The following NAV3 variants were observed in gnomAD, a reference collection of about 807,000 sequenced individuals.
NAV3 encodes the protein pore membrane and/or filament interacting like protein 1.
NAV3 carries 87 observed loss-of-function variants against 244.7 expected under a neutral mutation model. The observed-to-expected ratio is 0.36, with a 90% CI of 0.30 to 0.42. NAV3 has a LOEUF of 0.42. Ranked by LOEUF, NAV3 falls within the 20% of genes least tolerant of loss-of-function variation. The probability of loss-of-function intolerance (pLI) is 1.00; values close to 1 mark genes in which losing one functional copy is unlikely to be tolerated. For missense variants in NAV3, 2,663 were observed against 2,893.3 expected, an observed-to-expected ratio of 0.92 and a Z score of 1.83; for synonymous variants, 1,126 against 1,042.2, an observed-to-expected ratio of 1.08 and a Z score of -1.55.
At chr12:77,797,717 T>C (rs1871494352) in intron 2 of NAV3, among the ~76,000 whole-genome samples, 1 of 151,356 alleles carries the variant, frequency 6.6e-6, no homozygotes, top group Non-Finnish European at 1.5e-5. Flanking sequence ...GGTGCGTGCC[T>C]GTAATCCCAG....
chr12:77,728,907 A>G (rs1187410378), intron 2 of NAV3, among the ~76,000 whole-genome samples: 1 of 151,682 alleles, frequency 6.6e-6, no homozygotes, highest in Non-Finnish European at 1.5e-5. Context: ...ATCCCTACTC[A>G]TCCTCCTCCT....
chr12:77,908,155 T>C (rs1886194209), intron 1 of NAV3, among the ~76,000 whole-genome samples: 2 of 152,128 alleles, frequency 1.3e-5, no homozygotes, highest in Admixed American at 1.3e-4. Flanking sequence ...TCACAAATTA[T>C]ACGTTTATTT....
At chr12:77,778,329 T>A (rs777614255) in intron 2 of NAV3, among the ~76,000 whole-genome samples, 5 of 151,380 alleles carry the variant, frequency 3.3e-5, no homozygotes, top group Non-Finnish European at 7.4e-5. Context: ...AATGCATTTA[T>A]AGGCCGGGCG....
At chr12:77,861,285 C>G (rs1179077136) in intron 1 of NAV3, among the ~76,000 whole-genome samples, 2 of 151,784 alleles carry the variant, frequency 1.3e-5, no homozygotes, top group African/African-American at 2.4e-5. Flanking sequence ...ACATGACCCT[C>G]TCTTGCTTAG....
chr12:77,686,478 T>C (rs2137138161), intron 2 of NAV3, among the ~76,000 whole-genome samples: 1 of 150,924 alleles, frequency 6.6e-6, no homozygotes, highest in Non-Finnish European at 1.5e-5. Context: ...AAAGTTGGTT[T>C]CGTAGTTTGG....
intron 7 of NAV3, among the ~76,000 whole-genome samples, chr12:78,004,015 A>G (rs544852154): frequency 6.6e-6 from 1 of 152,360 alleles, no homozygotes; most frequent in East Asian, 1.9e-4. Context: ...GAGCCATTTC[A>G]GCAGAATTTC....
rs1055612378 is a variant in NAV3 at position 77,998,616 on chromosome 12, C to A, written c.880+140C>A. ...AGTTTCTTTATGTTTCCTAACTGTC[C>A]CCTCCTGACTGCCAGCTTTCTTATC... On this transcript the variant is annotated intron_variant, in intron 7 of 39. Coordinates refer to ENST00000397909, the MANE Select transcript of NAV3 (RefSeq NM_001024383.2). The A allele has an allele frequency of 3.7e-5, 29 of 786,070 alleles. No homozygotes were observed. In the African/African-American group the frequency reaches 4.2e-4, roughly 11 times the overall value. The allele number at this position is 786,070 out of a possible 1,614,324, so 48.7% of individuals were successfully genotyped here. A position where few individuals can be genotyped will look rare whatever the true frequency, so the allele number is the denominator to read the frequency against.
Position 78,119,100 on chromosome 12 carries a change from G to A in NAV3, c.3041-137G>A, listed in dbSNP as rs1051570060. ...TATGCACTCAGTCCTCTCAATATAT[G>A]AGATTTTTGATCTAAGACAATACAT... On this transcript the variant is annotated intron_variant, in intron 14 of 39. Transcript: ENST00000397909. 6.2e-6 allele frequency: 6 copies of A among 963,726 alleles called. No individual in the cohort carries two copies. In the South Asian group the frequency reaches 8.5e-5, roughly 14 times the overall value. 59.7% of individuals were successfully genotyped at this position (963,726 alleles called of 1,614,324 possible).
intron 16 of NAV3, 137 bp from the exon 17 acceptor site, chr12:78,127,030 C>T (rs1955939262): frequency 1.4e-6 from 1 of 691,318 alleles, no homozygotes; most frequent in Non-Finnish European, 2.4e-6. Flanking sequence ...TTTAGTTGGC[C>T]TTTTTCAATG....
Position 78,118,255 on chromosome 12 carries a change from C to A in NAV3, c.2998C>A (p.Pro1000Thr), listed in dbSNP as rs866234987. 1 of 1,611,902 alleles carries A rather than the reference C, an allele frequency of 6.2e-7. No individual in the cohort carries two copies. Among genetic ancestry groups the A allele is most frequent in the African/African-American group, 1.3e-5 (1 of 74,920 alleles). ...AGGCATGTCTGCCCAAGGAGGGGCG[C>A]CATCTAGGCAGAAAGCTGGAACAAG... ...RRGMSAQGGAPSRQKAGTSAL... is the reference protein window; with the variant it reads ...RRGMSAQGGATSRQKAGTSAL... The change falls in exon 14 of 40, where the codon CCA becomes ACA. Residue 1000 changes from proline (P) to threonine (T), a missense_variant. Coordinates refer to ENST00000397909, the MANE Select transcript of NAV3 (RefSeq NM_001024383.2).
At chr12:77,837,118 T>C (rs1229029305) in intron 1 of NAV3, among the ~76,000 whole-genome samples, 3 of 152,076 alleles carry the variant, frequency 2.0e-5, no homozygotes, top group Middle Eastern at 3.2e-3. Context: ...AGAGAAATTG[T>C]ATATGAATGG....
At chr12:78,026,658 A>G (rs1025931981) in intron 9 of NAV3, among the ~76,000 whole-genome samples, 12 of 152,176 alleles carry the variant, frequency 7.9e-5, no homozygotes, top group African/African-American at 2.9e-4. Context: ...ATATTGAACT[A>G]ACTATAAGAA....
At chr12:77,595,517 G>A (rs1434950603) in intron 2 of NAV3, among the ~76,000 whole-genome samples, 3 of 152,102 alleles carry the variant, frequency 2.0e-5, no homozygotes, top group Non-Finnish European at 4.4e-5. Flanking sequence ...TTTGCCAAGA[G>A]AGTAGATTTC....
At chr12:77,936,769 A>T (rs1889365987) in intron 1 of NAV3, among the ~76,000 whole-genome samples, 1 of 152,176 alleles carries the variant, frequency 6.6e-6, no homozygotes, top group African/African-American at 2.4e-5. Flanking sequence ...CATTCTAATG[A>T]CAGTTGACAA....
At chr12:77,665,474 A>G (rs1057198470) in intron 2 of NAV3, among the ~76,000 whole-genome samples, 9 of 152,202 alleles carry the variant, frequency 5.9e-5, no homozygotes, top group Admixed American at 1.3e-4. Flanking sequence ...TTTCCAAAAA[A>G]TATTTTTATG....
intron 2 of NAV3, among the ~76,000 whole-genome samples, chr12:77,705,909 C>T (rs758661914): frequency 2.0e-5 from 3 of 151,294 alleles, no homozygotes; most frequent in Admixed American, 6.6e-5. Flanking sequence ...TTTCTGATTG[C>T]AAGTTGCATA....
At chr12:78,198,926 A>AAACAAG (rs1959302324) in intron 36 of NAV3, 2 of 464,084 alleles carry the variant, frequency 4.3e-6, no homozygotes, top group Non-Finnish European at 3.9e-6. Context: ...AACAAAAAAA[A>AAACAAG]AAAAAAAGGA....
At chr12:77,638,519 G>A (rs1872255254) in intron 2 of NAV3, among the ~76,000 whole-genome samples, 1 of 152,220 alleles carries the variant, frequency 6.6e-6, no homozygotes, top group Admixed American at 6.5e-5. Context: ...GATGTCTGTA[G>A]TTAAGTATGC....
intron 2 of NAV3, among the ~76,000 whole-genome samples, chr12:77,604,492 A>C (rs565182380): frequency 6.6e-6 from 1 of 152,210 alleles, no homozygotes; most frequent in African/African-American, 2.4e-5. Context: ...TCTGGCACAG[A>C]GCAGCCATAA....
Sources: allele counts gnomAD v4.1 joint callset (sites outside exome capture counted in the v4.1 genomes callset), GRCh38; gene constraint gnomAD v4.1.1; transcripts MANE v1.5; gene names NCBI Gene and HGNC (gene_info 2026-07-23, HGNC 2026-07-21).